TAFA1: variants seen among roughly 807,000 people sequenced by gnomAD.
TAFA1 encodes the protein chemokine-like protein TAFA-1.
Under a neutral mutation model 18.5 loss-of-function variants are expected in TAFA1, and 4 were observed. That is an observed-to-expected ratio of 0.22 (90% CI 0.11 to 0.49). The LOEUF (loss-of-function observed/expected upper bound fraction) is 0.49. Ranked by LOEUF, TAFA1 falls within the 20% of genes least tolerant of loss-of-function variation. The pLI is 0.98. For synonymous variants in TAFA1, 56 were observed against 55.2 expected (o/e 1.01, Z -0.06); for missense variants, 147 against 169.0 (o/e 0.87, Z 0.72).
chr3:68,200,125 T>G (rs969147132), intron 2 of TAFA1, among the ~76,000 whole-genome samples: 3 of 151,636 alleles, frequency 2.0e-5, no homozygotes, highest in African/African-American at 7.2e-5. Flanking sequence ...CTTGTGGATA[T>G]GATGAATTAT....
chr3:68,189,833 G>A (rs1461064542), intron 2 of TAFA1, among the ~76,000 whole-genome samples: 1 of 151,912 alleles, frequency 6.6e-6, no homozygotes, highest in Non-Finnish European at 1.5e-5. Context: ...AAAAGAAGCT[G>A]CCGTTAATAT....
At chr3:68,225,769 C>T (rs2066791016) in intron 2 of TAFA1, among the ~76,000 whole-genome samples, 1 of 151,974 alleles carries the variant, frequency 6.6e-6, no homozygotes, top group Admixed American at 6.6e-5. Context: ...TGTCTTTATT[C>T]TTACTTGGAA....
intron 2 of TAFA1, among the ~76,000 whole-genome samples, chr3:68,152,247 T>C (rs1336929425): frequency 6.6e-6 from 1 of 152,186 alleles, no homozygotes; most frequent in Non-Finnish European, 1.5e-5. Flanking sequence ...TTGTTGAGAA[T>C]GCTGGTTTGT....
At chr3:68,472,019 C>T (rs2072005033) in intron 3 of TAFA1, among the ~76,000 whole-genome samples, 1 of 152,060 alleles carries the variant, frequency 6.6e-6, no homozygotes, top group African/African-American at 2.4e-5. Flanking sequence ...TGAGCTAAGA[C>T]TTTAGGGGAT....
chr3:68,339,513 A>G (rs1217440511), intron 2 of TAFA1, among the ~76,000 whole-genome samples: 2 of 152,210 alleles, frequency 1.3e-5, no homozygotes, highest in African/African-American at 2.4e-5. Flanking sequence ...TATATACTAC[A>G]TGAGAAACAG....
chr3:68,472,067 A>G (rs2106949890), intron 3 of TAFA1, among the ~76,000 whole-genome samples: 1 of 152,254 alleles, frequency 6.6e-6, no homozygotes, highest in Non-Finnish European at 1.5e-5. Context: ...ATGTGAGGAC[A>G]TGAGATTTGG....
intron 3 of TAFA1, among the ~76,000 whole-genome samples, chr3:68,520,641 A>G (rs1393653324): frequency 6.6e-6 from 1 of 152,252 alleles, no homozygotes; most frequent in Non-Finnish European, 1.5e-5. Flanking sequence ...ACACAGAAGT[A>G]TGCTAGGAAA....
chr3:68,245,377 T>C (rs987396162), intron 2 of TAFA1, among the ~76,000 whole-genome samples: 12 of 152,212 alleles, frequency 7.9e-5, no homozygotes, highest in African/African-American at 2.9e-4. Flanking sequence ...ATTGAGTCTC[T>C]AATTCTTTTT....
At chr3:68,446,435 C>A (rs944996734) in intron 3 of TAFA1, among the ~76,000 whole-genome samples, 4 of 152,106 alleles carry the variant, frequency 2.6e-5, no homozygotes, top group African/African-American at 4.8e-5. Context: ...TGGCCCCCTC[C>A]CTTCTATCTG....
intron 2 of TAFA1, among the ~76,000 whole-genome samples, chr3:68,210,298 A>C (rs2066579750): frequency 6.6e-6 from 1 of 152,010 alleles, no homozygotes; most frequent in African/African-American, 2.4e-5. Context: ...CTCTGAAATG[A>C]AAGTTGGCCC....
intron 3 of TAFA1, among the ~76,000 whole-genome samples, chr3:68,518,138 C>T (rs2072954417): frequency 6.6e-6 from 1 of 152,280 alleles, no homozygotes; most frequent in East Asian, 1.9e-4. Context: ...TTTCAACCTC[C>T]TCTCAACTCT....
chr3:68,534,601 A>C (rs1427563361), intron 3 of TAFA1, among the ~76,000 whole-genome samples: 1 of 152,188 alleles, frequency 6.6e-6, no homozygotes, highest in Non-Finnish European at 1.5e-5. Flanking sequence ...AGGCAACTCT[A>C]ATGTGAATTT....
At chr3:68,404,948 C>A (rs2070568524) in intron 2 of TAFA1, among the ~76,000 whole-genome samples, 2 of 151,994 alleles carry the variant, frequency 1.3e-5, no homozygotes, top group Admixed American at 1.3e-4. Context: ...TTGTTTTGAT[C>A]TTTTCATCTT....
intron 3 of TAFA1, among the ~76,000 whole-genome samples, chr3:68,447,252 A>G (rs2071485494): frequency 6.6e-6 from 1 of 152,146 alleles, no homozygotes; most frequent in East Asian, 1.9e-4. Flanking sequence ...TATTTTATGG[A>G]GAGGAAAACT....
chr3:68,087,532 C>CTCCCTCCCTCCT (rs1332953697), intron 2 of TAFA1, among the ~76,000 whole-genome samples: 9 of 142,284 alleles, frequency 6.3e-5, no homozygotes, highest in South Asian at 2.5e-4. Flanking sequence ...TCCTCCCTCC[C>CTCCCTCCCTCCT]TCCCTCCCTC....
chr3:68,097,636 T>C lies in TAFA1; in HGVS notation c.118+90892T>C, dbSNP rs559235252. On this transcript the variant is annotated intron_variant, in intron 2 of 4. Coordinates refer to ENST00000478136, the MANE Select transcript of TAFA1 (RefSeq NM_213609.4). The stretch of plus-strand genomic sequence containing the variant: ...AACATGTCCCCTGCCTGTATGTGGC[T>C]TATAGTCTGGCAGAGGGGTAAGGCA... Among the ~76,000 whole-genome samples, 418 of 152,316 alleles carry C rather than the reference T, an allele frequency of 2.7e-3. 3 individuals carry two copies. The highest frequency in any genetic ancestry group is 9.6e-3 in the African/African-American group (400 of 41,568).
chr3:68,489,928 T>C (rs1244735525), intron 3 of TAFA1, among the ~76,000 whole-genome samples: 1 of 152,216 alleles, frequency 6.6e-6, no homozygotes, highest in Non-Finnish European at 1.5e-5. Flanking sequence ...GCCATCTTTT[T>C]TACTTAAATG....
chr3:68,527,789 T>A (rs2073129420), intron 3 of TAFA1, among the ~76,000 whole-genome samples: 1 of 152,112 alleles, frequency 6.6e-6, no homozygotes, highest in Admixed American at 6.5e-5. Flanking sequence ...AAAAAATAAC[T>A]TTTGTCTCAA....
At chr3:68,332,343 G>T (rs2068894787) in intron 2 of TAFA1, among the ~76,000 whole-genome samples, 1 of 152,026 alleles carries the variant, frequency 6.6e-6, no homozygotes, top group African/African-American at 2.4e-5. Flanking sequence ...AATCTTCACG[G>T]CATTTGTTTT....
Sources: gnomAD v4.1 joint callset for allele counts (sites outside exome capture counted in the v4.1 genomes callset) on GRCh38, gnomAD v4.1.1 for gene constraint, MANE v1.5 for transcripts, NCBI Gene and HGNC (gene_info 2026-07-23, HGNC 2026-07-21) for gene names.